The following MCTP1 variants were observed in gnomAD, a reference collection of about 807,000 sequenced individuals.
MCTP1 encodes the protein multiple C2 and transmembrane domain containing 1.
A neutral mutation model predicts 120.6 loss-of-function variants in MCTP1; 69 were observed. The observed-to-expected ratio is 0.57, with a 90% CI of 0.47 to 0.70. The LOEUF is 0.70. MCTP1 is among the 30% of genes least tolerant of loss of function. The pLI is 0.00. For synonymous variants in MCTP1, 529 were observed against 493.1 expected, an observed-to-expected ratio of 1.07 and a Z score of -0.96; for missense variants, 1,203 against 1,248.8, an observed-to-expected ratio of 0.96 and a Z score of 0.55.
chr5:95,058,781 C>T (rs1748128551), intron 1 of MCTP1, among the ~76,000 whole-genome samples: 2 of 152,196 alleles, frequency 1.3e-5, no homozygotes, highest in South Asian at 4.1e-4. Context: ...TTTTACCTCA[C>T]TGAAGGGATA....
chr5:95,009,275 T>C (rs1441432993), intron 2 of MCTP1, among the ~76,000 whole-genome samples: 2 of 152,148 alleles, frequency 1.3e-5, no homozygotes, highest in Non-Finnish European at 2.9e-5. Context: ...AATCAAATGA[T>C]AGAAAATGGC....
At chr5:95,094,925 T>C (rs2152349153) in intron 1 of MCTP1, among the ~76,000 whole-genome samples, 1 of 151,874 alleles carries the variant, frequency 6.6e-6, no homozygotes, top group East Asian at 1.9e-4. Flanking sequence ...AAATTCATGG[T>C]ATTTGCACAT....
At chr5:94,938,385 T>TAATTCTTGA (rs1816720579) in intron 5 of MCTP1, among the ~76,000 whole-genome samples, 1 of 152,030 alleles carries the variant, frequency 6.6e-6, no homozygotes, top group Non-Finnish European at 1.5e-5. Context: ...AGTAGTTTTT[T>TAATTCTTGA]AATTCTTGAA....
chr5:95,192,776 C>G (rs1012926831), intron 1 of MCTP1, among the ~76,000 whole-genome samples: 1 of 152,000 alleles, frequency 6.6e-6, no homozygotes, highest in Non-Finnish European at 1.5e-5. Flanking sequence ...GATTTAAGAG[C>G]AGGATGGCTG....
intron 1 of MCTP1, among the ~76,000 whole-genome samples, chr5:95,156,786 G>GT (rs1430442862): frequency 1.3e-5 from 2 of 152,252 alleles, no homozygotes; most frequent in East Asian, 1.9e-4. Flanking sequence ...AAACATAGAA[G>GT]TTTTTTTGCA....
intron 2 of MCTP1, among the ~76,000 whole-genome samples, chr5:94,969,975 A>G (rs1262650545): frequency 6.6e-6 from 1 of 152,114 alleles, no homozygotes; most frequent in Non-Finnish European, 1.5e-5. Flanking sequence ...TAAATGCAAG[A>G]GGTTTATAAT....
chr5:94,846,984 T>G (rs1051203194), intron 17 of MCTP1, among the ~76,000 whole-genome samples: 1 of 152,198 alleles, frequency 6.6e-6, no homozygotes, highest in Non-Finnish European at 1.5e-5. Flanking sequence ...ATTCCCACCC[T>G]ACAGCATCAG....
intron 6 of MCTP1, among the ~76,000 whole-genome samples, chr5:94,928,237 C>T (rs1813677775): frequency 7.3e-6 from 1 of 136,334 alleles, no homozygotes; most frequent in Non-Finnish European, 1.6e-5. Flanking sequence ...CACACACACA[C>T]ACACACGATG....
At chr5:95,100,296 AT>A (rs546493803) in intron 1 of MCTP1, among the ~76,000 whole-genome samples, 82 of 152,274 alleles carry the variant, frequency 5.4e-4, no homozygotes, top group Non-Finnish European at 9.4e-4. Context: ...TTAAAAAAAA[AT>A]ATTTGCTTCA....
chr5:94,990,047 T>C (rs540965637), intron 2 of MCTP1, among the ~76,000 whole-genome samples: 14 of 152,288 alleles, frequency 9.2e-5, no homozygotes, highest in African/African-American at 3.4e-4. Flanking sequence ...ACCTTTCTAG[T>C]GAATTACTGA....
intron 1 of MCTP1, among the ~76,000 whole-genome samples, chr5:95,066,213 A>G (rs948963285): frequency 6.6e-6 from 1 of 152,250 alleles, no homozygotes; most frequent in African/African-American, 2.4e-5. Flanking sequence ...GATCTTCCTG[A>G]AAAGACATAG....
intron 1 of MCTP1, among the ~76,000 whole-genome samples, chr5:95,267,116 T>C (rs1758964543): frequency 6.6e-6 from 1 of 152,118 alleles, no homozygotes; most frequent in South Asian, 2.1e-4. Context: ...TACAGGAAAA[T>C]ATGAACAAAT....
At chr5:95,185,195 T>C (rs369295597) in intron 1 of MCTP1, among the ~76,000 whole-genome samples, 1 of 152,132 alleles carries the variant, frequency 6.6e-6, no homozygotes, top group East Asian at 1.9e-4. Context: ...ACTTACTTTA[T>C]GAGGCTAGTA....
chr5:95,253,837 CA>C (rs1193361949), intron 1 of MCTP1, among the ~76,000 whole-genome samples: 2 of 151,908 alleles, frequency 1.3e-5, no homozygotes, highest in Non-Finnish European at 2.9e-5. Flanking sequence ...AAGCATAATC[CA>C]GTATTCTAGT....
chr5:95,104,178 C>A (rs557437713), intron 1 of MCTP1, among the ~76,000 whole-genome samples: 5 of 152,182 alleles, frequency 3.3e-5, no homozygotes, highest in Non-Finnish European at 7.3e-5. Flanking sequence ...CTTACCCCCC[C>A]TCCCAAGTTT....
chr5:94,747,482 A>G (rs1370399803), intron 19 of MCTP1, among the ~76,000 whole-genome samples: 1 of 152,208 alleles, frequency 6.6e-6, no homozygotes, highest in African/African-American at 2.4e-5. Context: ...TCCAGGCCAC[A>G]TAATCTGTGT....
At chr5:95,079,674 C>T (rs915188645) in intron 1 of MCTP1, among the ~76,000 whole-genome samples, 34 of 152,086 alleles carry the variant, frequency 2.2e-4, no homozygotes, top group African/African-American at 8.2e-4. Flanking sequence ...TGAAACTATA[C>T]ATTGCAGCAC....
At chr5:95,101,977 T>A (rs185630436) in intron 1 of MCTP1, among the ~76,000 whole-genome samples, 1 of 152,294 alleles carries the variant, frequency 6.6e-6, no homozygotes, top group African/African-American at 2.4e-5. Context: ...TGTGTTTTTT[T>A]CCTCACCACT....
At chr5:94,922,414 T>A (rs1256013508) in intron 7 of MCTP1, among the ~76,000 whole-genome samples, 1 of 152,146 alleles carries the variant, frequency 6.6e-6, no homozygotes, top group Non-Finnish European at 1.5e-5. Flanking sequence ...AGTGTGCACA[T>A]TTGCTGCACA....
Sources: allele counts gnomAD v4.1 joint callset (sites outside exome capture counted in the v4.1 genomes callset), GRCh38; gene constraint gnomAD v4.1.1; transcripts MANE v1.5; gene names NCBI Gene and HGNC (gene_info 2026-07-23, HGNC 2026-07-21).